ALG8: variants seen among roughly 807,000 people sequenced by gnomAD.
The protein encoded by ALG8 is dolichyl pyrophosphate Glc1Man9GlcNAc2 alpha-1,3-glucosyltransferase.
ALG8 carries 48 observed loss-of-function variants against 70.2 expected under a neutral mutation model. The observed-to-expected ratio is 0.68, with a 90% CI of 0.54 to 0.87. ALG8 has a LOEUF of 0.87. ALG8 is among the 40% of genes least tolerant of loss of function. The pLI is 0.00. For synonymous variants in ALG8, 234 were observed against 229.0 expected (o/e 1.02, Z -0.20); for missense variants, 572 against 608.7 (o/e 0.94, Z 0.64).
At chr11:78,135,140 G>A (rs1360454963) in intron 1 of ALG8, 1 of 152,224 alleles carries the variant, frequency 6.6e-6, no homozygotes, top group African/African-American at 2.4e-5. Context: ...GATTGCTTGA[G>A]CACAGGAGTT....
chr11:78,136,275 C>T (rs615889), intron 1 of ALG8, among the ~76,000 whole-genome samples: 33,084 of 150,094 alleles, frequency 0.22, 4,488 homozygotes, highest in African/African-American at 0.39. Context: ...TCAGCCTGGG[C>T]AACACAGTGA....
Position 78,103,855 on chromosome 11 carries a change from A to G in ALG8, c.1349+125T>C, listed in dbSNP as rs1565343307. 15 of 552,616 alleles carry G rather than the reference A, an allele frequency of 2.7e-5. No individual in the cohort carries two copies. In the South Asian group the frequency reaches 3.2e-4, roughly 12 times the overall value. 34.2% of individuals were successfully genotyped at this position (552,616 alleles called of 1,614,324 possible). The stretch of plus-strand genomic sequence containing the variant: ...GAGTGATTTCTCCCTCTATTTACCA[A>G]TTTTTTTTGTAATGTTGTCATATTA... On this transcript the variant is annotated intron_variant, in intron 12 of 12. Transcript: ENST00000299626.
intron 8 of ALG8, 34 bp downstream of exon 8, chr11:78,112,616 T>C (rs370659481): frequency 3.1e-6 from 5 of 1,611,490 alleles, no homozygotes; most frequent in South Asian, 1.1e-5. Flanking sequence ...CTTTCAATAT[T>C]CAGAGTCTGA....
At chr11:78,132,833 A>ATT (rs55934753) in intron 1 of ALG8, among the ~76,000 whole-genome samples, 1,343 of 113,876 alleles carry the variant, frequency 0.012, 18 homozygotes, top group African/African-American at 0.033. Flanking sequence ...TTCTTCTTCC[A>ATT]TTTTTTTTTT....
At chr11:78,135,340 G>C (rs1227755829) in intron 1 of ALG8, 3 of 145,602 alleles carry the variant, frequency 2.1e-5, no homozygotes, top group Admixed American at 6.7e-5. Flanking sequence ...GAGAGGCAGA[G>C]TGAGACCCTG....
In ALG8 at chr11:78,139,569, G is replaced by C. The variant is rs1042120807; in HGVS notation, c.20C>G (p.Ala7Gly). MAALTI[A>G]TGTGNWFSAL... ...CGAAAACCAATTGCCAGTACCCGTG[G>C]CAATTGTGAGCGCCGCCATTGCTGC... The change falls in exon 1 of 13, where the codon GCC (alanine) becomes GGC (glycine). Residue 7 changes from alanine to glycine, a missense_variant. Physicochemically the swap from Ala to Gly is moderately conservative, Grantham distance 60. Coordinates refer to ENST00000299626, the MANE Select transcript of ALG8 (RefSeq NM_024079.5). 1 of 1,557,400 alleles carries C rather than the reference G, an allele frequency of 6.4e-7. No homozygotes were observed. The highest frequency in any genetic ancestry group is 1.9e-5 in the Admixed American group (1 of 51,878).
In ALG8 at chr11:78,132,740, A is replaced by G. The variant is rs113878310; in HGVS notation, c.96-5304T>C. Among the ~76,000 whole-genome samples the G allele has an allele frequency of 2.0e-3, 302 of 152,098 alleles. 2 individuals carry two copies. Among genetic ancestry groups the G allele is most frequent in the African/African-American group, 7.1e-3 (293 of 41,480 alleles). On this transcript the variant is annotated intron_variant, in intron 1 of 12. Transcript: ENST00000299626. ...CTCTCATTCACACTTTAGGCCTCCA[A>G]TGATGTCAGTTCCTCAGAGACATTC...
At position 78,114,451 on chromosome 11, in the gene ALG8, T is replaced by C; in HGVS notation, c.547-59A>G. On this transcript the variant is annotated intron_variant, in intron 5 of 12. Coordinates refer to ENST00000299626, the MANE Select transcript of ALG8 (RefSeq NM_024079.5). ...ATTCAGGGTAAATGAAATGCAATAA[T>C]GTGGTATTCTAGATTGAATCCTGGA... 3.1e-6 allele frequency: 5 copies of C among 1,591,518 alleles called. No individual in the cohort carries two copies. The South Asian group carries it at 4.5e-5, about 14-fold the overall frequency.
intron 1 of ALG8, chr11:78,135,354 CA>C (rs76433691): frequency 0.29 from 38,019 of 130,432 alleles, 6,661 homozygotes; most frequent in African/African-American, 0.55. Context: ...GACCCTGTTT[CA>C]AAAAAAAAAA....
At chr11:78,124,611 A>G (rs1407600661) in intron 2 of ALG8, among the ~76,000 whole-genome samples, 1 of 152,244 alleles carries the variant, frequency 6.6e-6, no homozygotes, top group Non-Finnish European at 1.5e-5. Flanking sequence ...CTACACTTAA[A>G]GGAAATTAAT....
intron 9 of ALG8, among the ~76,000 whole-genome samples, chr11:78,107,276 A>C (rs1056373012): frequency 3.4e-5 from 5 of 148,374 alleles, no homozygotes; most frequent in African/African-American, 1.2e-4. Flanking sequence ...GCTGGAGTGC[A>C]GTGGTGCGAT....
intron 5 of ALG8, among the ~76,000 whole-genome samples, chr11:78,115,449 TCTCGTTTACTGCAAC>T (rs1193137485): frequency 7.0e-6 from 1 of 142,118 alleles, no homozygotes; most frequent in African/African-American, 2.9e-5. Flanking sequence ...AATGGCACGG[TCTCGTTTACTGCAAC>T]CTCCACTTTC....
chr11:78,114,768 C>A (rs1384197986), intron 5 of ALG8: 2 of 426,582 alleles, frequency 4.7e-6, no homozygotes, highest in South Asian at 1.7e-5. Flanking sequence ...GAGTTCAAGA[C>A]CAGCCTGGAC....
At chr11:78,104,106 T>C in intron 11 of ALG8, 54 bp from the exon 12 acceptor site, 3 of 1,168,160 alleles carry the variant, frequency 2.6e-6, no homozygotes, top group East Asian at 2.4e-5. Context: ...GAAAGACTTA[T>C]GATGCTGAAA....
intron 5 of ALG8, among the ~76,000 whole-genome samples, chr11:78,117,230 A>C (rs1860615821): frequency 6.6e-6 from 1 of 152,168 alleles, no homozygotes; most frequent in African/African-American, 2.4e-5. Context: ...ACTTGCCTTC[A>C]GTTAATGGTT....
chr11:78,104,625 GC>G, intron 10 of ALG8, 172 bp from the exon 11 acceptor site: 1 of 602,524 alleles, frequency 1.7e-6, no homozygotes, highest in South Asian at 2.0e-5. Context: ...GAAATTTTAA[GC>G]AATCAATAGC....
chr11:78,123,931 T>C, intron 3 of ALG8, 90 bp downstream of exon 3: 1 of 1,410,622 alleles, frequency 7.1e-7, no homozygotes, highest in South Asian at 1.2e-5. Flanking sequence ...ATAAACTTTG[T>C]TCCTCCTAAA....
chr11:78,130,547 T>C (rs1284474011), intron 1 of ALG8, among the ~76,000 whole-genome samples: 1 of 152,144 alleles, frequency 6.6e-6, no homozygotes, highest in Non-Finnish European at 1.5e-5. Context: ...GGATTTTGTA[T>C]GGAATTCTAG....
At chr11:78,102,334 C>T (rs147232348) in intron 12 of ALG8, among the ~76,000 whole-genome samples, 5 of 152,270 alleles carry the variant, frequency 3.3e-5, no homozygotes, top group Admixed American at 6.5e-5. Context: ...TCTATTCTCT[C>T]GTTTCTTTCA....
Sources: allele counts gnomAD v4.1 joint callset (sites outside exome capture counted in the v4.1 genomes callset), GRCh38; gene constraint gnomAD v4.1.1; transcripts MANE v1.5; gene names NCBI Gene and HGNC (gene_info 2026-07-23, HGNC 2026-07-21).